GLIS3: variants seen among roughly 807,000 people sequenced by gnomAD.
The protein encoded by GLIS3 is zinc finger protein GLIS3.
In GLIS3, 53 loss-of-function variants were observed where a neutral mutation model predicts 78.6. That is an observed-to-expected ratio of 0.67 (90% CI 0.54 to 0.85). The LOEUF (loss-of-function observed/expected upper bound fraction) is 0.85. GLIS3 is among the 40% of genes least tolerant of loss of function. GLIS3 has a pLI of 0.00. For missense variants in GLIS3, 1,703 were observed against 1,231.1 expected, an observed-to-expected ratio of 1.38 and a Z score of -5.74; for synonymous variants, 684 against 509.9, an observed-to-expected ratio of 1.34 and a Z score of -4.60.
At chr9:4,471,327 G>C in the GLIS3 span, among the ~76,000 whole-genome samples, 3 of 152,150 alleles carry the variant, frequency 2.0e-5, no homozygotes, top group Non-Finnish European at 1.5e-5. Flanking sequence ...AACAAAGCTG[G>C]AGGCATCACG....
rs541857147 is a variant in GLIS3 at position 4,196,749 on chromosome 9, G to A, written c.389-70808C>T. Among the ~76,000 whole-genome samples the A allele has an allele frequency of 5.8e-4, 89 of 152,290 alleles. 1 individual carries two copies. The highest frequency in any genetic ancestry group is 1.0e-3 in the South Asian group (5 of 4,824). On this transcript the variant is annotated intron_variant, in intron 2 of 10. Transcript: ENST00000381971. ...ACTGTAACACTCACCGTGAGGGTCC[G>A]CAGCTTCATTCTTTAAGTCAGTGAG...
At chr9:4,426,741 G>A in the GLIS3 span, among the ~76,000 whole-genome samples, 1 of 152,182 alleles carries the variant, frequency 6.6e-6, no homozygotes, top group Admixed American at 6.5e-5. Flanking sequence ...CTTGCTGTGT[G>A]ACCTTGTGGA....
Position 3,825,319 on chromosome 9 carries a change from A to G in GLIS3, c.*2953T>C, listed in dbSNP as rs1307617565. On this transcript the variant is annotated 3_prime_UTR_variant, in exon 11 of 11. Coordinates refer to ENST00000381971, the MANE Select transcript of GLIS3 (RefSeq NM_001042413.2). Reference sequence around the variant, plus strand: ...GAGATACCCCACAGGACCTGTAAATATTTAAATAATATTTAACAGCTGATC... The same window carrying G: ...GAGATACCCCACAGGACCTGTAAATGTTTAAATAATATTTAACAGCTGATC... 2 of 152,186 alleles carry G rather than the reference A, an allele frequency of 1.3e-5. No homozygotes were observed. The highest frequency in any genetic ancestry group is 2.4e-5 in the African/African-American group (1 of 41,442). The allele number at this position is 152,186 out of a possible 1,614,324, so 9.4% of individuals were successfully genotyped here.
At chr9:4,070,218 C>G (rs1174084414) in intron 4 of GLIS3, among the ~76,000 whole-genome samples, 1 of 152,134 alleles carries the variant, frequency 6.6e-6, no homozygotes, top group Non-Finnish European at 1.5e-5. Context: ...AGTTCACCCC[C>G]TCCTTATCAG....
chr9:3,908,378 A>C (rs1052931073), intron 6 of GLIS3, among the ~76,000 whole-genome samples: 4 of 152,226 alleles, frequency 2.6e-5, no homozygotes, highest in African/African-American at 9.6e-5. Context: ...AGGAAGGCTC[A>C]TGGACATAGA....
chr9:4,212,515 C>T (rs936067684), intron 2 of GLIS3, among the ~76,000 whole-genome samples: 1 of 152,208 alleles, frequency 6.6e-6, no homozygotes, highest in African/African-American at 2.4e-5. Context: ...CAAAACAATA[C>T]AGCAGTGTGT....
chr9:4,179,824 C>T (rs543523667), intron 2 of GLIS3, among the ~76,000 whole-genome samples: 29 of 151,778 alleles, frequency 1.9e-4, no homozygotes, highest in Non-Finnish European at 4.0e-4. Context: ...GCAGGAGAAT[C>T]GCTGGAACCC....
chr9:4,343,257 G>T, intron 2 of GLIS3, among the ~76,000 whole-genome samples: 1 of 152,176 alleles, frequency 6.6e-6, no homozygotes, highest in Non-Finnish European at 1.5e-5. Flanking sequence ...TGGGAAGATT[G>T]CTTGAGCCCA....
chr9:4,257,635 A>G (rs1825098213), intron 2 of GLIS3, among the ~76,000 whole-genome samples: 1 of 151,492 alleles, frequency 6.6e-6, no homozygotes, highest in South Asian at 2.1e-4. Context: ...GTGCACTGGC[A>G]CAATCTCGGC....
chr9:4,400,100 C>G, the GLIS3 span, among the ~76,000 whole-genome samples: 1 of 152,148 alleles, frequency 6.6e-6, no homozygotes, highest in African/African-American at 2.4e-5. Context: ...TCCCAAGGAC[C>G]AGGAGTATCA....
chr9:4,188,701 A>C (rs904611990), intron 2 of GLIS3, among the ~76,000 whole-genome samples: 1 of 152,132 alleles, frequency 6.6e-6, no homozygotes, highest in Admixed American at 6.5e-5. Context: ...TCAGAGATTC[A>C]ACTTCTTCCT....
chr9:3,886,171 C>CCTAT (rs1486600928), intron 7 of GLIS3, among the ~76,000 whole-genome samples: 11 of 152,268 alleles, frequency 7.2e-5, no homozygotes, highest in Admixed American at 7.2e-4. Flanking sequence ...AGTATGACCT[C>CCTAT]CTATCTAAAC....
intron 2 of GLIS3, among the ~76,000 whole-genome samples, chr9:4,325,000 G>A (rs552613583): frequency 6.6e-4 from 101 of 152,034 alleles, no homozygotes; most frequent in Non-Finnish European, 1.4e-3. Flanking sequence ...CCTCAACAAC[G>A]GCCTGGTGCT....
At chr9:4,174,427 T>C in intron 2 of GLIS3, among the ~76,000 whole-genome samples, 1 of 152,296 alleles carries the variant, frequency 6.6e-6, no homozygotes, top group African/African-American at 2.4e-5. Flanking sequence ...AAAAAATATA[T>C]AAATTCTTTC....
At chr9:4,317,566 C>G (rs1817460238) in intron 2 of GLIS3, among the ~76,000 whole-genome samples, 1 of 152,186 alleles carries the variant, frequency 6.6e-6, no homozygotes, top group South Asian at 2.1e-4. Context: ...GAGTATAAAA[C>G]ATTTTAGATT....
rs117281795 is a variant in GLIS3 at position 3,978,109 on chromosome 9, G to A, written c.1711-40920C>T. Among the ~76,000 whole-genome samples, 1,364 of 152,314 alleles carry A rather than the reference G, an allele frequency of 9.0e-3. 12 individuals are homozygous for A. Among genetic ancestry groups the A allele is most frequent in the Non-Finnish European group, 0.013 (896 of 68,024 alleles). On this transcript the variant is annotated intron_variant, in intron 4 of 10. Coordinates refer to ENST00000381971, the MANE Select transcript of GLIS3 (RefSeq NM_001042413.2). Reference sequence around the variant, plus strand: ...CAATTTGGGATGAAGGGTGAAGCCCGCTGTAGAAGTTCCCATTTAACTGTG... The same window carrying A: ...CAATTTGGGATGAAGGGTGAAGCCCACTGTAGAAGTTCCCATTTAACTGTG...
At position 4,054,447 on chromosome 9, in the gene GLIS3, G is replaced by A. The variant is rs573075791; in HGVS notation, c.1710+63321C>T. 2.4e-3 allele frequency: 2,382 copies of A among 985,378 alleles called. 8 individuals carry two copies. Among genetic ancestry groups the A allele is most frequent in the Middle Eastern group, 9.9e-3 (19 of 1,914 alleles). 61.0% of individuals were successfully genotyped at this position (985,378 alleles called of 1,614,324 possible). On this transcript the variant is annotated intron_variant, in intron 4 of 10. Coordinates refer to ENST00000381971, the MANE Select transcript of GLIS3 (RefSeq NM_001042413.2). ...ACAAACACTTTGGCGAGAGTCACAG[G>A]AGGATGTGCTCTGGAGTGAATTCTT... is the stretch of plus-strand genomic sequence containing the variant.
At chr9:4,419,777 C>T in the GLIS3 span, among the ~76,000 whole-genome samples, 1 of 152,010 alleles carries the variant, frequency 6.6e-6, no homozygotes, top group Non-Finnish European at 1.5e-5. Flanking sequence ...GAGGCTCTGT[C>T]TCAAAAACAA....
chr9:4,204,778 G>C (rs1002026358), intron 2 of GLIS3, among the ~76,000 whole-genome samples: 7 of 152,118 alleles, frequency 4.6e-5, no homozygotes, highest in African/African-American at 1.7e-4. Flanking sequence ...GCCGGGCGTG[G>C]TGGCAGGCAC....
Sources: allele counts gnomAD v4.1 joint callset (sites outside exome capture counted in the v4.1 genomes callset), GRCh38; gene constraint gnomAD v4.1.1; transcripts MANE v1.5; gene names NCBI Gene and HGNC (gene_info 2026-07-23, HGNC 2026-07-21).